Variants in CNTLN observed in about 807,000 individuals in gnomAD.
The protein encoded by CNTLN is centlein, also known as centlein, centrosomal protein.
In CNTLN, 212 loss-of-function variants were observed where a neutral mutation model predicts 180.0. The observed-to-expected ratio is 1.18, with a 90% CI of 1.05 to 1.32. The LOEUF is 1.32. Among genes scored for constraint, CNTLN ranks in the 40% most tolerant of loss-of-function variants. The pLI is 0.00. For missense variants in CNTLN, 2,095 were observed against 1,610.9 expected (o/e 1.30, Z -5.14); for synonymous variants, 722 against 563.1 (o/e 1.28, Z -3.99).
At chr9:17,226,052 C>T in intron 2 of CNTLN, 151 bp from the exon 3 acceptor site, 1 of 406,050 alleles carries the variant, frequency 2.5e-6, no homozygotes, top group Non-Finnish European at 4.3e-6. Flanking sequence ...TCTTAGTTTT[C>T]AGCAGTTGTA....
Position 17,301,365 on chromosome 9 carries a change from T to C in CNTLN, c.1146+3013T>C, listed in dbSNP as rs948110213. The stretch of plus-strand genomic sequence containing the variant: ...CATTATAGAAAATGAGAGATGTAAA[T>C]GATGGGGTTATGTTGTGTTTGTGAA... On this transcript the variant is annotated intron_variant, in intron 7 of 25. Coordinates refer to ENST00000380647, the MANE Select transcript of CNTLN (RefSeq NM_017738.4). The C allele has an allele frequency of 3.0e-6, 3 of 985,210 alleles. No homozygotes were observed. The African/African-American group carries it at 5.2e-5, about 17-fold the overall frequency. 61.0% of individuals were successfully genotyped at this position (985,210 alleles called of 1,614,324 possible).
intron 10 of CNTLN, among the ~76,000 whole-genome samples, chr9:17,336,270 T>C (rs1176727739): frequency 6.6e-6 from 1 of 152,192 alleles, no homozygotes; most frequent in Non-Finnish European, 1.5e-5. Context: ...AAGAAAGTAT[T>C]TGGATATTTT....
chr9:17,419,725 T>C (rs1047648845), intron 18 of CNTLN, among the ~76,000 whole-genome samples: 1 of 152,186 alleles, frequency 6.6e-6, no homozygotes, highest in African/African-American at 2.4e-5. Context: ...TTCCACTGTA[T>C]ATTTTAAAGA....
chr9:17,416,247 G>T (rs1828240714), intron 18 of CNTLN, 58 bp downstream of exon 18: 12 of 1,369,722 alleles, frequency 8.8e-6, no homozygotes, highest in Non-Finnish European at 1.0e-5. Flanking sequence ...TGGATATTTT[G>T]TTTTACATGT....
chr9:17,400,436 C>A (rs1016154259), intron 15 of CNTLN, among the ~76,000 whole-genome samples: 8 of 152,138 alleles, frequency 5.3e-5, no homozygotes, highest in African/African-American at 1.9e-4. Context: ...TGTGCCTGGC[C>A]AACTGTACCA....
downstream of CNTLN, among the ~76,000 whole-genome samples, chr9:17,505,553 G>A (rs1215522376): frequency 6.7e-6 from 1 of 149,956 alleles, no homozygotes; most frequent in African/African-American, 2.4e-5. Context: ...CCGAAAAAGA[G>A]AAATACTTAG....
At chr9:17,512,941 C>T in the CNTLN span, among the ~76,000 whole-genome samples, 2 of 152,074 alleles carry the variant, frequency 1.3e-5, no homozygotes, top group South Asian at 2.1e-4. Flanking sequence ...CTCAGCGTCC[C>T]GAGTAGCTGG....
chr9:17,202,646 GTTT>G (rs57960408), intron 2 of CNTLN, among the ~76,000 whole-genome samples: 31 of 71,476 alleles, frequency 4.3e-4, no homozygotes, highest in East Asian at 1.6e-3. Context: ...TGCAACCTCT[GTTT>G]TTTTTTTTTT....
intron 18 of CNTLN, among the ~76,000 whole-genome samples, chr9:17,430,856 C>G (rs1265671058): frequency 2.0e-5 from 3 of 152,018 alleles, no homozygotes. Flanking sequence ...CTCAGTTACT[C>G]CCATCTTATT....
At chr9:17,437,285 C>T (rs2134017231) in intron 18 of CNTLN, among the ~76,000 whole-genome samples, 1 of 152,194 alleles carries the variant, frequency 6.6e-6, no homozygotes, top group South Asian at 2.1e-4. Flanking sequence ...CTATTATTAC[C>T]ACTTGGAACA....
chr9:17,422,373 A>G (rs1034813145), intron 18 of CNTLN, among the ~76,000 whole-genome samples: 1 of 151,772 alleles, frequency 6.6e-6, no homozygotes, highest in Non-Finnish European at 1.5e-5. Context: ...TTTGGGTTAA[A>G]TCTCTTATTT....
intron 6 of CNTLN, among the ~76,000 whole-genome samples, chr9:17,292,091 G>C (rs149213194): frequency 2.6e-5 from 4 of 152,124 alleles, no homozygotes; most frequent in Admixed American, 6.5e-5. Flanking sequence ...ATTCAGGATT[G>C]GAAATCCTTT....
At chr9:17,297,754 T>G (rs1417203232) in intron 6 of CNTLN, among the ~76,000 whole-genome samples, 1 of 152,190 alleles carries the variant, frequency 6.6e-6, no homozygotes, top group Non-Finnish European at 1.5e-5. Context: ...GTTTGAAAAC[T>G]TAAGTTTGCC....
At chr9:17,432,015 T>A (rs1367185352) in intron 18 of CNTLN, among the ~76,000 whole-genome samples, 4 of 152,198 alleles carry the variant, frequency 2.6e-5, no homozygotes, top group African/African-American at 7.2e-5. Flanking sequence ...GCCTTTTTGT[T>A]TTCCATATTA....
intron 3 of CNTLN, among the ~76,000 whole-genome samples, chr9:17,233,191 G>A (rs116590190): frequency 1.7e-4 from 26 of 151,918 alleles, no homozygotes; most frequent in Admixed American, 1.6e-3. Flanking sequence ...TGATCCCCAC[G>A]CTGAAGTACA....
At chr9:17,397,657 A>G (rs1288193270) in intron 15 of CNTLN, among the ~76,000 whole-genome samples, 2 of 152,170 alleles carry the variant, frequency 1.3e-5, no homozygotes. Context: ...ACTTACTGGG[A>G]ATGCCTCCCG....
At chr9:17,420,951 A>G (rs567525759) in intron 18 of CNTLN, among the ~76,000 whole-genome samples, 1 of 152,182 alleles carries the variant, frequency 6.6e-6, no homozygotes, top group Non-Finnish European at 1.5e-5. Flanking sequence ...CTTATTTGCA[A>G]TTTTTAAGAT....
chr9:17,455,460 T>C (rs906134124), intron 18 of CNTLN, among the ~76,000 whole-genome samples: 3 of 152,210 alleles, frequency 2.0e-5, no homozygotes, highest in Admixed American at 2.0e-4. Context: ...TAGAAGAATG[T>C]ATTTATTGAC....
intron 8 of CNTLN, among the ~76,000 whole-genome samples, chr9:17,311,667 G>C (rs1462067589): frequency 6.6e-6 from 1 of 151,922 alleles, no homozygotes; most frequent in African/African-American, 2.4e-5. Flanking sequence ...AAATTAGCTG[G>C]GCATGGTGGC....
Sources: gnomAD v4.1 joint callset for allele counts (sites outside exome capture counted in the v4.1 genomes callset) on GRCh38, gnomAD v4.1.1 for gene constraint, MANE v1.5 for transcripts, NCBI Gene and HGNC (gene_info 2026-07-23, HGNC 2026-07-21) for gene names.